Variants in ERO1B observed in about 807,000 individuals in gnomAD.
ERO1B encodes the protein endoplasmic reticulum oxidoreductase 1 beta, also known as ERO1-like protein beta.
Under a neutral mutation model 75.3 loss-of-function variants are expected in ERO1B, and 49 were observed. That is an observed-to-expected ratio of 0.65 (90% CI 0.52 to 0.83). The LOEUF is 0.83. ERO1B is among the 40% of genes least tolerant of loss of function. The probability of loss-of-function intolerance (pLI) is 0.00; values close to 1 mark genes in which losing one functional copy is unlikely to be tolerated. For missense variants in ERO1B, 512 were observed against 560.1 expected, an observed-to-expected ratio of 0.91 and a Z score of 0.87; for synonymous variants, 191 against 192.9, an observed-to-expected ratio of 0.99 and a Z score of 0.08.
At chr1:236,261,335 A>G (rs1321061620) in intron 2 of ERO1B, among the ~76,000 whole-genome samples, 1 of 152,182 alleles carries the variant, frequency 6.6e-6, no homozygotes, top group Non-Finnish European at 1.5e-5. Context: ...GAAATAAAAG[A>G]CATCTATATA....
chr1:236,281,260 C>T (rs1170072592), intron 1 of ERO1B, among the ~76,000 whole-genome samples: 3 of 152,104 alleles, frequency 2.0e-5, no homozygotes, highest in Admixed American at 6.6e-5. Flanking sequence ...CGGAGTGCCC[C>T]CAACTCTCAG....
rs916390151 is a variant in ERO1B at position 236,258,453 on chromosome 1, T to G, written c.223-4948A>C. 2.6e-5 allele frequency among the ~76,000 whole-genome samples: 4 copies of G among 152,268 alleles called. 1 individual carries two copies. In the South Asian group the frequency reaches 8.3e-4, roughly 32 times the overall value. The stretch of plus-strand genomic sequence containing the variant: ...AAAAATACTATATCCAGTGATCCTG[T>G]TCTTCAAAAATAAAAGGGGAAATAA... On this transcript the variant is annotated intron_variant, in intron 2 of 15. Transcript: ENST00000354619.
rs1664051575 is a variant in ERO1B, at chr1:236,218,450, A to G, written c.*66T>C. 2.2e-6 allele frequency: 3 copies of G among 1,342,728 alleles called. No homozygotes were observed. In the East Asian group the frequency reaches 1.0e-4, roughly 45 times the overall value. 83.2% of individuals were successfully genotyped at this position (1,342,728 alleles called of 1,614,324 possible). ...AGTCAGATTAGTGTCTTTCTGATGA[A>G]TGTCCATAATTAAAAGGCTTTCCAC... On this transcript the variant is annotated 3_prime_UTR_variant, in exon 16 of 16. Transcript: ENST00000354619.
At chr1:236,250,453 C>T (rs1201772043) in intron 4 of ERO1B, among the ~76,000 whole-genome samples, 1 of 151,668 alleles carries the variant, frequency 6.6e-6, no homozygotes, top group Non-Finnish European at 1.5e-5. Context: ...GCCTGCATGA[C>T]AGAGCAAGAC....
At chr1:236,256,406 C>A (rs1665161730) in intron 2 of ERO1B, among the ~76,000 whole-genome samples, 1 of 152,168 alleles carries the variant, frequency 6.6e-6, no homozygotes, top group South Asian at 2.1e-4. Context: ...CCTTCCCTGG[C>A]TTGCTCCAGA....
chr1:236,223,537 G>C (rs1314312014), intron 13 of ERO1B, among the ~76,000 whole-genome samples: 3 of 152,132 alleles, frequency 2.0e-5, no homozygotes. Context: ...CTCCTGTGCT[G>C]GTCATATTCT....
At chr1:236,220,683 C>A in intron 15 of ERO1B, 149 bp downstream of exon 15, 1 of 640,018 alleles carries the variant, frequency 1.6e-6, no homozygotes, top group Non-Finnish European at 2.4e-6. Context: ...GACTTGTCAG[C>A]ATTAAGGCCT....
At chr1:236,230,189 C>CA (rs764684524) in intron 10 of ERO1B, 35 bp downstream of exon 10, 10 of 1,514,418 alleles carry the variant, frequency 6.6e-6, no homozygotes, top group South Asian at 1.2e-5. Flanking sequence ...TATTTTTTAA[C>CA]AAAAAATCCA....
In ERO1B at chr1:236,239,839, A is replaced by ATATATATG. The variant is rs1221484517; in HGVS notation, c.506-3442_506-3441insCATATATA. Among the ~76,000 whole-genome samples the ATATATATG allele has an allele frequency of 9.0e-4, 103 of 114,266 alleles. 2 individuals carry two copies. The East Asian group carries it at 0.01, about 12-fold the overall frequency. The allele number at this position is 114,266 out of a possible 152,430, so 75.0% of individuals were successfully genotyped here. On this transcript the variant is annotated intron_variant, in intron 6 of 15. Transcript: ENST00000354619. ...TATATATATGTGTATATATATGTGT[A>ATATATATG]TATATATATGTGTATATATGTATAT...
chr1:236,245,788 C>T (rs1026256522), intron 5 of ERO1B, among the ~76,000 whole-genome samples: 3 of 149,700 alleles, frequency 2.0e-5, no homozygotes, highest in African/African-American at 7.4e-5. Flanking sequence ...GTAGTATTTT[C>T]ACCATGTTGG....
At chr1:236,225,280 G>A (rs1207578823) in intron 12 of ERO1B, 141 bp from the exon 13 acceptor site, 2 of 739,230 alleles carry the variant, frequency 2.7e-6, no homozygotes, top group Non-Finnish European at 4.4e-6. Context: ...ATGTAGAAAA[G>A]TGACAAACAG....
chr1:236,252,522 C>A (rs1665054263), intron 3 of ERO1B, among the ~76,000 whole-genome samples: 1 of 152,130 alleles, frequency 6.6e-6, no homozygotes, highest in Admixed American at 6.5e-5. Flanking sequence ...TTTTGGATTA[C>A]TAGAAAGCTT....
intron 5 of ERO1B, among the ~76,000 whole-genome samples, chr1:236,246,300 C>T (rs1450620187): frequency 6.6e-6 from 1 of 152,038 alleles, no homozygotes; most frequent in Non-Finnish European, 1.5e-5. Flanking sequence ...ACTCAAGTAA[C>T]TGGGACTATA....
At chr1:236,247,037 G>GA (rs1328065773) in intron 5 of ERO1B, among the ~76,000 whole-genome samples, 1 of 151,986 alleles carries the variant, frequency 6.6e-6, no homozygotes, top group African/African-American at 2.4e-5. Context: ...ACCCAATGGA[G>GA]AAAAAAATGA....
intron 8 of ERO1B, 85 bp from the exon 9 acceptor site, chr1:236,232,924 TA>T: frequency 8.6e-7 from 1 of 1,161,018 alleles, no homozygotes; most frequent in Non-Finnish European, 1.2e-6. Flanking sequence ...TTAAAACTGT[TA>T]AACTATTAAT....
intron 9 of ERO1B, among the ~76,000 whole-genome samples, chr1:236,230,750 G>C (rs760780619): frequency 2.0e-5 from 3 of 151,380 alleles, no homozygotes; most frequent in South Asian, 4.2e-4. Context: ...AACTTTAAGA[G>C]AGTGTTTTTA....
In ERO1B at chr1:236,236,343, G is replaced by A. The variant is rs143945363; in HGVS notation, c.561C>T (p.Tyr187=). The A allele has an allele frequency of 1.8e-4, 285 of 1,613,850 alleles. No homozygotes were observed. In the African/African-American group the frequency reaches 3.5e-3, roughly 20 times the overall value. ...ATGCAGAGGTCCCTTTATAGCCAGT[G>A]TAACGCTCTGGGTTCAGCAATAGGT... ...YVDLLLNPER[Y]TGYKGTSAWR... is the part of the protein sequence containing the mutation. Residue 187 remains tyrosine, a synonymous_variant, in exon 7 of 16, where the codon TAC becomes TAT. Transcript: ENST00000354619.
intron 2 of ERO1B, among the ~76,000 whole-genome samples, chr1:236,268,919 T>C (rs933315858): frequency 6.0e-5 from 9 of 149,850 alleles, no homozygotes; most frequent in African/African-American, 2.0e-4. Context: ...CAAAAACATA[T>C]ATATATTATT....
At chr1:236,272,022 G>T (rs1665601021) in intron 1 of ERO1B, among the ~76,000 whole-genome samples, 1 of 151,996 alleles carries the variant, frequency 6.6e-6, no homozygotes, top group South Asian at 2.1e-4. Context: ...TTTAAATACT[G>T]CCAGTATCAT....
Sources: allele counts gnomAD v4.1 joint callset (sites outside exome capture counted in the v4.1 genomes callset), GRCh38; gene constraint gnomAD v4.1.1; transcripts MANE v1.5; gene names NCBI Gene and HGNC (gene_info 2026-07-23, HGNC 2026-07-21).